Variants in SLC35F4 observed in about 807,000 individuals in gnomAD.
SLC35F4 encodes chromosome 14 open reading frame 36.
A neutral mutation model predicts 44.2 loss-of-function variants in SLC35F4; 24 were observed. The observed-to-expected ratio is 0.54, with a 90% CI of 0.39 to 0.76. The LOEUF (loss-of-function observed/expected upper bound fraction) is 0.76, where lower values mean the gene tolerates loss of function less well. SLC35F4 is among the 30% of genes least tolerant of loss of function. The pLI, the probability that SLC35F4 is intolerant of heterozygous loss-of-function variation, is 0.00. For missense variants in SLC35F4, 562 were observed against 586.1 expected (o/e 0.96, Z 0.42); for synonymous variants, 238 against 223.6 (o/e 1.06, Z -0.57).
At chr14:57,913,399 A>G (rs1889254330) in intron 1 of SLC35F4, among the ~76,000 whole-genome samples, 2 of 151,768 alleles carry the variant, frequency 1.3e-5, no homozygotes, top group African/African-American at 4.8e-5. Context: ...AGCATTTTAT[A>G]TTATTTTATT....
At chr14:57,709,366 A>T (rs943408073) in intron 1 of SLC35F4, among the ~76,000 whole-genome samples, 11 of 151,906 alleles carry the variant, frequency 7.2e-5, no homozygotes. Flanking sequence ...GTCACTTCTC[A>T]CTATGTCCCC....
At chr14:57,711,893 G>T (rs900549044) in intron 1 of SLC35F4, among the ~76,000 whole-genome samples, 3 of 152,214 alleles carry the variant, frequency 2.0e-5, no homozygotes, top group African/African-American at 7.2e-5. Context: ...TGAAGTGAGA[G>T]TTTAGAAACT....
intron 1 of SLC35F4, among the ~76,000 whole-genome samples, chr14:57,646,415 G>T (rs115514217): frequency 0.027 from 4,055 of 152,244 alleles, 79 homozygotes; most frequent in South Asian, 0.074. Context: ...TTGCGTAGAG[G>T]TATCTATAGT....
rs146199380 is a variant in SLC35F4, at chr14:57,766,451, T to G, written c.103+99272A>C. Among the ~76,000 whole-genome samples, 41 of 152,270 alleles carry G rather than the reference T, an allele frequency of 2.7e-4. 2 individuals carry two copies. Among genetic ancestry groups the G allele is most frequent in the African/African-American group, 9.4e-4 (39 of 41,570 alleles). ...TCAGAACAGTGGAAATGAAGATAGT[T>G]GGGTGCAGTAGAGTGAGAATATGGC... On this transcript the variant is annotated intron_variant, in intron 1 of 7. Coordinates refer to ENST00000556826, the MANE Select transcript of SLC35F4 (RefSeq NM_001306087.2).
intron 1 of SLC35F4, among the ~76,000 whole-genome samples, chr14:57,637,760 C>T (rs2073069980): frequency 6.6e-6 from 1 of 152,046 alleles, no homozygotes; most frequent in Non-Finnish European, 1.5e-5. Context: ...ATGAAGCTAC[C>T]TGATTTCATA....
chr14:57,716,369 T>C (rs1464950647), intron 1 of SLC35F4, among the ~76,000 whole-genome samples: 1 of 152,088 alleles, frequency 6.6e-6, no homozygotes, highest in Non-Finnish European at 1.5e-5. Flanking sequence ...ATTTTTTGAA[T>C]TGCAGACACA....
chr14:57,728,279 A>G (rs1013117538), intron 1 of SLC35F4, among the ~76,000 whole-genome samples: 1 of 151,892 alleles, frequency 6.6e-6, no homozygotes, highest in African/African-American at 2.4e-5. Flanking sequence ...GTATCTTTAT[A>G]TGTGAATTGT....
upstream of SLC35F4, among the ~76,000 whole-genome samples, chr14:57,869,977 G>C (rs115273470): frequency 0.017 from 2,581 of 152,312 alleles, 82 homozygotes; most frequent in African/African-American, 0.055. Flanking sequence ...AGACAGGGCA[G>C]AGTCCACTCT....
chr14:57,944,039 C>A (rs1163475799), intron 1 of SLC35F4, among the ~76,000 whole-genome samples: 2 of 152,018 alleles, frequency 1.3e-5, no homozygotes, highest in East Asian at 3.9e-4. Flanking sequence ...CAACTCAACC[C>A]CCTCCCCAAA....
chr14:57,697,795 T>C (rs1351439240), intron 1 of SLC35F4, among the ~76,000 whole-genome samples: 2 of 152,208 alleles, frequency 1.3e-5, no homozygotes, highest in Non-Finnish European at 2.9e-5. Context: ...TCCTTTTTAT[T>C]CTTTTCACTA....
rs2076057137 is a variant in SLC35F4 at position 57,720,523 on chromosome 14, T to TAA, written c.104-126401_104-126400dup. 1.4e-4 allele frequency among the ~76,000 whole-genome samples: 21 copies of TAA among 152,320 alleles called. No individual in the cohort carries two copies. The South Asian group carries it at 4.3e-3, about 32-fold the overall frequency. On this transcript the variant is annotated intron_variant, in intron 1 of 7. Transcript: ENST00000556826. ...TTGATCTCATTACTTGTTATTGGTA[T>TAA]AAGGTTCTGGATTTCTTCCTGGGTC...
At chr14:57,762,794 G>A (rs2077155302) in intron 1 of SLC35F4, among the ~76,000 whole-genome samples, 1 of 152,060 alleles carries the variant, frequency 6.6e-6, no homozygotes, top group South Asian at 2.1e-4. Context: ...CAGCGAGAAA[G>A]CCCTCACCAG....
At chr14:57,957,557 T>C (rs188402527) in intron 1 of SLC35F4, among the ~76,000 whole-genome samples, 68 of 152,286 alleles carry the variant, frequency 4.5e-4, no homozygotes, top group African/African-American at 1.6e-3. Context: ...TTTGTAGACA[T>C]GTAAGGAGCA....
intron 1 of SLC35F4, among the ~76,000 whole-genome samples, chr14:57,753,926 G>T (rs1225439825): frequency 2.0e-5 from 3 of 151,952 alleles, no homozygotes; most frequent in African/African-American, 7.3e-5. Flanking sequence ...TTGAAAGAAA[G>T]CTCTCTGTCC....
intron 1 of SLC35F4, among the ~76,000 whole-genome samples, chr14:57,758,108 C>G (rs1229645691): frequency 6.6e-6 from 1 of 151,294 alleles, no homozygotes; most frequent in Non-Finnish European, 1.5e-5. Context: ...GGTGAGAAAT[C>G]TGCAGACACT....
chr14:57,596,874 G>A (rs1056797628), intron 1 of SLC35F4: 1 of 1,367,510 alleles, frequency 7.3e-7, no homozygotes, highest in Non-Finnish European at 9.8e-7. Flanking sequence ...GTTTGTGGAA[G>A]AGATCCAAGA....
intron 1 of SLC35F4, among the ~76,000 whole-genome samples, chr14:57,857,827 G>T (rs1210651704): frequency 6.6e-6 from 1 of 152,044 alleles, no homozygotes; most frequent in Non-Finnish European, 1.5e-5. Context: ...GGAGCTTTCT[G>T]CAGGGTGATG....
chr14:57,899,199 C>T (rs1054644915), intron 1 of SLC35F4, among the ~76,000 whole-genome samples: 4 of 152,202 alleles, frequency 2.6e-5, no homozygotes, highest in South Asian at 2.1e-4. Flanking sequence ...GCCATTGCCA[C>T]GTATTACACG....
At chr14:57,919,516 G>T (rs575010846) in intron 1 of SLC35F4, among the ~76,000 whole-genome samples, 2 of 152,166 alleles carry the variant, frequency 1.3e-5, no homozygotes, top group South Asian at 2.1e-4. Flanking sequence ...TGCAGGCAGG[G>T]AGTTGTGGGA....
Sources: allele counts gnomAD v4.1 joint callset (sites outside exome capture counted in the v4.1 genomes callset), GRCh38; gene constraint gnomAD v4.1.1; transcripts MANE v1.5; gene names NCBI Gene and HGNC (gene_info 2026-07-23, HGNC 2026-07-21).